Variants in RIT2 observed in about 807,000 individuals in gnomAD.
The protein encoded by RIT2 is GTP-binding protein Rit2.
A neutral mutation model predicts 23.7 loss-of-function variants in RIT2; 24 were observed. The ratio of observed to expected loss-of-function variants is 1.01; its 90% CI spans 0.73 to 1.43. The LOEUF (loss-of-function observed/expected upper bound fraction) is 1.43, where lower values mean the gene tolerates loss of function less well. RIT2 is among the 40% of genes most tolerant of loss of function. RIT2 has a pLI of 0.00. For synonymous variants in RIT2, 107 were observed against 91.1 expected (o/e 1.17, Z -0.99); for missense variants, 236 against 266.9 (o/e 0.88, Z 0.81).
At chr18:42,754,036 G>A (rs1370641055) in intron 4 of RIT2, among the ~76,000 whole-genome samples, 2 of 152,172 alleles carry the variant, frequency 1.3e-5, no homozygotes, top group Non-Finnish European at 2.9e-5. Flanking sequence ...CTTATAGGGT[G>A]TTCCTTCCAA....
At chr18:42,751,673 T>G (rs1055999652) in intron 4 of RIT2, among the ~76,000 whole-genome samples, 1 of 152,032 alleles carries the variant, frequency 6.6e-6, no homozygotes, top group Non-Finnish European at 1.5e-5. Flanking sequence ...ATCGACCATC[T>G]AATTCAAAGC....
chr18:42,788,700 T>G (rs1000798922), intron 4 of RIT2, among the ~76,000 whole-genome samples: 10 of 152,204 alleles, frequency 6.6e-5, no homozygotes, highest in Non-Finnish European at 1.3e-4. Context: ...ATTTGAAAGT[T>G]TGATGATACT....
chr18:42,750,188 C>T (rs1913013219), intron 4 of RIT2, among the ~76,000 whole-genome samples: 1 of 151,708 alleles, frequency 6.6e-6, no homozygotes, highest in Non-Finnish European at 1.5e-5. Context: ...TTCCCATTTA[C>T]CCCACATCCA....
At chr18:42,888,232 G>C (rs984021565) in intron 4 of RIT2, among the ~76,000 whole-genome samples, 1 of 151,700 alleles carries the variant, frequency 6.6e-6, no homozygotes, top group African/African-American at 2.4e-5. Context: ...TTAATTGTGT[G>C]GGGGAAGGCA....
intron 1 of RIT2, among the ~76,000 whole-genome samples, chr18:43,061,931 T>C (rs1259125965): frequency 2.0e-5 from 3 of 152,040 alleles, no homozygotes; most frequent in African/African-American, 7.2e-5. Flanking sequence ...CTGCGGGCAG[T>C]GGGAGTAAAA....
intron 1 of RIT2, among the ~76,000 whole-genome samples, chr18:43,067,666 C>T (rs1160878187): frequency 6.6e-6 from 1 of 152,128 alleles, no homozygotes; most frequent in Non-Finnish European, 1.5e-5. Context: ...TTTTATCATG[C>T]AAATGAAGCC....
chr18:42,771,811 G>A (rs1913558324), intron 4 of RIT2, among the ~76,000 whole-genome samples: 1 of 152,078 alleles, frequency 6.6e-6, no homozygotes, highest in East Asian at 1.9e-4. Context: ...CCTCAAATAT[G>A]AGCAATATAG....
At chr18:43,085,173 A>T (rs934597921) in intron 1 of RIT2, among the ~76,000 whole-genome samples, 5 of 152,104 alleles carry the variant, frequency 3.3e-5, no homozygotes, top group African/African-American at 1.2e-4. Context: ...ACAAAAAAAG[A>T]AACAAAAAGA....
At chr18:42,932,391 A>AATAAT (rs1161914689) in intron 3 of RIT2, among the ~76,000 whole-genome samples, 2 of 152,150 alleles carry the variant, frequency 1.3e-5, no homozygotes, top group African/African-American at 4.8e-5. Context: ...TTTATTCTGC[A>AATAAT]GCTCTTCTGT....
At chr18:42,936,521 G>A (rs958101703) in intron 3 of RIT2, among the ~76,000 whole-genome samples, 1 of 152,162 alleles carries the variant, frequency 6.6e-6, no homozygotes, top group Non-Finnish European at 1.5e-5. Context: ...TTGGACTGCT[G>A]AAGTGAAGAA....
intron 4 of RIT2, among the ~76,000 whole-genome samples, chr18:42,856,528 G>T (rs1568013968): frequency 6.6e-6 from 1 of 152,106 alleles, no homozygotes; most frequent in Non-Finnish European, 1.5e-5. Flanking sequence ...CAACTAATCT[G>T]CCTTAGGGGG....
intron 2 of RIT2, among the ~76,000 whole-genome samples, chr18:43,029,204 A>G (rs1911799759): frequency 6.6e-6 from 1 of 152,074 alleles, no homozygotes; most frequent in Non-Finnish European, 1.5e-5. Flanking sequence ...TAAATCTTTC[A>G]GATGAGAGTA....
chr18:42,813,700 A>C (rs1451473243), intron 4 of RIT2, among the ~76,000 whole-genome samples: 3 of 152,192 alleles, frequency 2.0e-5, no homozygotes, highest in Non-Finnish European at 4.4e-5. Context: ...TAAAAATAAA[A>C]GTCAAAGTAG....
intron 1 of RIT2, among the ~76,000 whole-genome samples, chr18:43,090,584 G>A (rs201098512): frequency 7.2e-5 from 11 of 152,100 alleles, no homozygotes; most frequent in South Asian, 4.1e-4. Context: ...GTTCCTTACC[G>A]CACTATTCAC....
chr18:43,085,321 C>T (rs183911131), intron 1 of RIT2, among the ~76,000 whole-genome samples: 17 of 152,044 alleles, frequency 1.1e-4, no homozygotes, highest in African/African-American at 4.1e-4. Context: ...ATATCTATTA[C>T]CTCACAACCT....
At chr18:42,906,816 T>C (rs1374309576) in intron 4 of RIT2, among the ~76,000 whole-genome samples, 2 of 152,148 alleles carry the variant, frequency 1.3e-5, no homozygotes, top group Non-Finnish European at 2.9e-5. Context: ...GAACCAGTAA[T>C]GAAAACAATA....
chr18:43,012,664 T>C (rs1457681149), intron 2 of RIT2, among the ~76,000 whole-genome samples: 1 of 151,674 alleles, frequency 6.6e-6, no homozygotes, highest in African/African-American at 2.4e-5. Flanking sequence ...ATTTTATTTA[T>C]AAATAAGGGC....
intron 4 of RIT2, among the ~76,000 whole-genome samples, chr18:42,751,415 G>A (rs1329815811): frequency 6.6e-6 from 1 of 151,548 alleles, no homozygotes. Flanking sequence ...TTTCCTAATG[G>A]TTAAAATATA....
chr18:42,874,566 T>C (rs1237648314), intron 4 of RIT2, among the ~76,000 whole-genome samples: 1 of 152,160 alleles, frequency 6.6e-6, no homozygotes, highest in Non-Finnish European at 1.5e-5. Flanking sequence ...AATTTCTATT[T>C]ATGTATGTGC....
Sources: allele counts gnomAD v4.1 joint callset (sites outside exome capture counted in the v4.1 genomes callset), GRCh38; gene constraint gnomAD v4.1.1; transcripts MANE v1.5; gene names NCBI Gene and HGNC (gene_info 2026-07-23, HGNC 2026-07-21).